Variants in PPP2R3A observed in about 807,000 individuals in gnomAD.
The protein encoded by PPP2R3A is protein phosphatase 2 regulatory subunit B''alpha.
PPP2R3A carries 80 observed loss-of-function variants against 106.9 expected under a neutral mutation model. The observed-to-expected ratio is 0.75, with a 90% CI of 0.62 to 0.90. The LOEUF (loss-of-function observed/expected upper bound fraction) is 0.90, where lower values mean the gene tolerates loss of function less well. PPP2R3A is among the 40% of genes least tolerant of loss of function. The pLI is 0.00. For missense variants in PPP2R3A, 1,386 were observed against 1,350.4 expected, an observed-to-expected ratio of 1.03 and a Z score of -0.41; for synonymous variants, 483 against 468.3, an observed-to-expected ratio of 1.03 and a Z score of -0.41.
chr3:135,979,641 GTGGGCACA>G (rs762210084), intron 1 of PPP2R3A, among the ~76,000 whole-genome samples: 2 of 151,890 alleles, frequency 1.3e-5, no homozygotes, highest in East Asian at 1.9e-4. Context: ...GGTTGTAAAA[GTGGGCACA>G]TGGGCACATG....
rs767008021 is a variant in PPP2R3A at position 136,003,079 on chromosome 3, AAGAG to A, written c.1584_1587del (p.Arg528SerfsTer12). 5.6e-6 allele frequency: 9 copies of A among 1,611,536 alleles called. No homozygotes were observed. The highest frequency in any genetic ancestry group is 6.8e-6 in the Non-Finnish European group (8 of 1,179,414). ...TTTCACAGAAGATGGAGACCTCTCT[AAGAG>A]AGCCACTTGCGAAGGGTAAAAACTC... On this transcript the variant is annotated frameshift_variant, in exon 2 of 14. Coordinates refer to ENST00000264977, the MANE Select transcript of PPP2R3A (RefSeq NM_002718.5). LOFTEE classifies it high-confidence loss of function.
At chr3:136,057,331 A>G (rs1935904156) in intron 5 of PPP2R3A, among the ~76,000 whole-genome samples, 1 of 152,210 alleles carries the variant, frequency 6.6e-6, no homozygotes, top group South Asian at 2.1e-4. Flanking sequence ...TATTAGTCAT[A>G]AAAAAGAATG....
At chr3:136,034,167 G>A (rs1305123357) in intron 3 of PPP2R3A, among the ~76,000 whole-genome samples, 1 of 151,624 alleles carries the variant, frequency 6.6e-6, no homozygotes, top group Non-Finnish European at 1.5e-5. Flanking sequence ...TCCTGAGTAG[G>A]TGTGACTACA....
intron 1 of PPP2R3A, among the ~76,000 whole-genome samples, chr3:135,992,993 A>G (rs896716637): frequency 6.6e-6 from 1 of 152,190 alleles, no homozygotes; most frequent in Middle Eastern, 3.2e-3. Flanking sequence ...CTTTTCAACT[A>G]TAAAGCCATT....
intron 12 of PPP2R3A, among the ~76,000 whole-genome samples, chr3:136,105,689 C>T (rs765801362): frequency 3.9e-5 from 6 of 152,076 alleles, no homozygotes; most frequent in Non-Finnish European, 8.8e-5. Context: ...CAGCCAGCCA[C>T]GGTGGCTCAC....
chr3:136,137,009 C>T (rs974477748), intron 13 of PPP2R3A, among the ~76,000 whole-genome samples: 1 of 152,152 alleles, frequency 6.6e-6, no homozygotes, highest in African/African-American at 2.4e-5. Context: ...ATAAACTCAA[C>T]CCTCGTAAGA....
rs1937145212 is a variant in PPP2R3A, at chr3:136,093,503, GATAT to G, written c.2927+2841_2927+2844del. Reference sequence around the variant, plus strand: ...AGCATGGAAGAAGATATTTGCAGATGATATATATGATAAGGAACTTGTATCTAGA... The same window carrying G: ...AGCATGGAAGAAGATATTTGCAGATGATATGATAAGGAACTTGTATCTAGA... On this transcript the variant is annotated intron_variant, in intron 10 of 13. Transcript: ENST00000264977. Among the ~76,000 whole-genome samples the G allele has an allele frequency of 2.0e-5, 3 of 152,122 alleles. No individual in the cohort carries two copies. In the South Asian group the frequency reaches 6.2e-4, roughly 32 times the overall value.
rs544448381 is a variant in PPP2R3A, at chr3:136,109,598, G to T, written c.3329+3276G>T. ...AATACCTTTGTGGTTTATGTTCATAGATCATTTACAAAATACATATTAGGC... is the reference window on the plus strand; with the variant it reads ...AATACCTTTGTGGTTTATGTTCATATATCATTTACAAAATACATATTAGGC... On this transcript the variant is annotated intron_variant, in intron 13 of 13. Coordinates refer to ENST00000264977, the MANE Select transcript of PPP2R3A (RefSeq NM_002718.5). 1.6e-4 allele frequency among the ~76,000 whole-genome samples: 25 copies of T among 152,236 alleles called. No individual in the cohort carries two copies. In the East Asian group the frequency reaches 4.8e-3, roughly 29 times the overall value.
rs144470120 is a variant in PPP2R3A, at chr3:136,003,178, C to T, written c.1680C>T (p.Val560=). The change falls in exon 2 of 14, where the codon GTC becomes GTT. Residue 560 remains valine (V), a synonymous_variant. Coordinates refer to ENST00000264977, the MANE Select transcript of PPP2R3A (RefSeq NM_002718.5). ...TLVDLEPKSK[V]SSPIEKVSPS... is the part of the protein sequence containing the mutation. ...TAGATCTTGAGCCTAAATCTAAAGT[C>T]TCTTCACCCATAGAAAAAGTCTCAC... The T allele has an allele frequency of 5.6e-6, 9 of 1,613,540 alleles. No individual in the cohort carries two copies. The highest frequency in any genetic ancestry group is 1.1e-5 in the South Asian group (1 of 91,058).
intron 13 of PPP2R3A, among the ~76,000 whole-genome samples, chr3:136,112,830 A>AG (rs1937615190): frequency 1.3e-5 from 2 of 152,170 alleles, no homozygotes; most frequent in Non-Finnish European, 2.9e-5. Flanking sequence ...TTTGAAAAAA[A>AG]CTATTACAAA....
chr3:136,095,024 GC>G (rs1305095216), intron 10 of PPP2R3A, among the ~76,000 whole-genome samples: 1 of 152,166 alleles, frequency 6.6e-6, no homozygotes, highest in Non-Finnish European at 1.5e-5. Flanking sequence ...ATCTGCAGAT[GC>G]CCCAAGGGAA....
intron 10 of PPP2R3A, among the ~76,000 whole-genome samples, chr3:136,091,969 CA>C (rs1231081737): frequency 6.6e-6 from 1 of 152,034 alleles, no homozygotes; most frequent in Non-Finnish European, 1.5e-5. Flanking sequence ...ATCTGAAATC[CA>C]AAATTCTCCA....
chr3:136,011,186 A>G (rs907955629), intron 2 of PPP2R3A, among the ~76,000 whole-genome samples: 1 of 151,974 alleles, frequency 6.6e-6, no homozygotes, highest in Non-Finnish European at 1.5e-5. Context: ...TCATGCACAC[A>G]TACAATCTTT....
chr3:136,065,182 A>G (rs1030553886), intron 5 of PPP2R3A, among the ~76,000 whole-genome samples: 1 of 152,234 alleles, frequency 6.6e-6, no homozygotes, highest in African/African-American at 2.4e-5. Context: ...TAGGGGAGTA[A>G]AGTAGGACAG....
chr3:136,100,363 TTTA>T (rs138337444), intron 10 of PPP2R3A, among the ~76,000 whole-genome samples: 4,906 of 150,842 alleles, frequency 0.033, 283 homozygotes, highest in African/African-American at 0.11. Flanking sequence ...AAAAAGAACT[TTTA>T]TTATTATTAT....
At chr3:136,014,432 A>T (rs1028862027) in intron 2 of PPP2R3A, among the ~76,000 whole-genome samples, 1 of 152,044 alleles carries the variant, frequency 6.6e-6, no homozygotes, top group Non-Finnish European at 1.5e-5. Context: ...CACAATATTG[A>T]TCCTACCCAC....
At chr3:136,050,289 G>A (rs970405719) in intron 5 of PPP2R3A, among the ~76,000 whole-genome samples, 3 of 152,156 alleles carry the variant, frequency 2.0e-5, no homozygotes, top group Admixed American at 1.3e-4. Context: ...GTAAAAAAAG[G>A]ATAAGTCTCA....
At chr3:136,095,853 T>C (rs1238780083) in intron 10 of PPP2R3A, among the ~76,000 whole-genome samples, 1 of 152,190 alleles carries the variant, frequency 6.6e-6, no homozygotes, top group Non-Finnish European at 1.5e-5. Flanking sequence ...GTGTCCACCA[T>C]TTTGGCAAAA....
chr3:136,031,596 G>T (rs1934892866), intron 3 of PPP2R3A, among the ~76,000 whole-genome samples: 1 of 152,098 alleles, frequency 6.6e-6, no homozygotes, highest in Non-Finnish European at 1.5e-5. Context: ...TGTCTAGAAG[G>T]GTTTTCCCAT....
Sources: allele counts gnomAD v4.1 joint callset (sites outside exome capture counted in the v4.1 genomes callset), GRCh38; gene constraint gnomAD v4.1.1; transcripts MANE v1.5; gene names NCBI Gene and HGNC (gene_info 2026-07-23, HGNC 2026-07-21).